Variants in KIF11 observed in about 807,000 individuals in gnomAD.
The protein encoded by KIF11 is kinesin family member 11, also known as kinesin-like protein KIF11.
In KIF11, 9 loss-of-function variants were observed where a neutral mutation model predicts 121.0. The observed-to-expected ratio is 0.07, with a 90% CI of 0.04 to 0.13. The LOEUF (loss-of-function observed/expected upper bound fraction) is 0.13. Ranked by LOEUF, KIF11 falls within the 10% of genes least tolerant of loss-of-function variation. The pLI is 1.00. For missense variants in KIF11, 846 were observed against 1,217.5 expected (o/e 0.69, Z 4.54); for synonymous variants, 408 against 421.0 (o/e 0.97, Z 0.38).
At chr10:92,640,242 A>G (rs1200716276) in intron 17 of KIF11, among the ~76,000 whole-genome samples, 1 of 152,246 alleles carries the variant, frequency 6.6e-6, no homozygotes, top group Non-Finnish European at 1.5e-5. Flanking sequence ...AACTGTGGCT[A>G]GCAGGCTGGA....
intron 21 of KIF11, among the ~76,000 whole-genome samples, chr10:92,651,511 T>TG (rs1844981377): frequency 7.6e-5 from 3 of 39,322 alleles, no homozygotes; most frequent in Non-Finnish European, 1.3e-4. Context: ...AATTTTGTTT[T>TG]TTTTTTTTTT....
chr10:92,639,629 T>G (rs2135920341), intron 16 of KIF11, among the ~76,000 whole-genome samples, 165 bp from the exon 17 acceptor site: 1 of 152,240 alleles, frequency 6.6e-6, no homozygotes, highest in South Asian at 2.1e-4. Context: ...TAATATCACT[T>G]CCACTGCTTT....
intron 10 of KIF11, among the ~76,000 whole-genome samples, chr10:92,624,180 A>G (rs1340153608): frequency 6.6e-6 from 1 of 150,890 alleles, no homozygotes; most frequent in Admixed American, 6.6e-5. Context: ...TGTTTAGGAC[A>G]ATGGCATCCA....
rs973111802 is a variant in KIF11 at position 92,645,359 on chromosome 10, A to G, written c.2268-4A>G. Reference sequence around the variant, plus strand: ...TTCAACAGTGTCATTCTCTTTTCCTATAGGAAATCTAAGGATATAGTCAAC... The same window carrying G: ...TTCAACAGTGTCATTCTCTTTTCCTGTAGGAAATCTAAGGATATAGTCAAC... On this transcript the variant is annotated splice_polypyrimidine_tract_variant and splice_region_variant and intron_variant, in intron 17 of 21. Coordinates refer to ENST00000260731, the MANE Select transcript of KIF11 (RefSeq NM_004523.4). 8.2e-6 allele frequency: 13 copies of G among 1,593,410 alleles called. No homozygotes were observed. Among genetic ancestry groups the G allele is most frequent in the Middle Eastern group, 1.7e-4 (1 of 5,762 alleles).
chr10:92,597,977 G>A (rs1037125780), intron 1 of KIF11, among the ~76,000 whole-genome samples: 8 of 151,742 alleles, frequency 5.3e-5, no homozygotes, highest in African/African-American at 1.9e-4. Context: ...TTTAAATATA[G>A]TATCTTGCTT....
intron 10 of KIF11, among the ~76,000 whole-genome samples, chr10:92,628,090 G>A (rs926108144): frequency 2.0e-5 from 3 of 152,118 alleles, no homozygotes; most frequent in African/African-American, 4.8e-5. Context: ...TCCCCCAGAG[G>A]ACATTTGGCA....
intron 19 of KIF11, among the ~76,000 whole-genome samples, chr10:92,649,360 G>A (rs1844956275): frequency 6.6e-6 from 1 of 152,148 alleles, no homozygotes; most frequent in Non-Finnish European, 1.5e-5. Flanking sequence ...CAGCACTTCG[G>A]GAGGCAAGGC....
At chr10:92,597,922 A>T (rs1844318599) in intron 1 of KIF11, among the ~76,000 whole-genome samples, 1 of 151,898 alleles carries the variant, frequency 6.6e-6, no homozygotes, top group Non-Finnish European at 1.5e-5. Context: ...AAGTACTGGG[A>T]TTACAGGCGT....
At chr10:92,599,842 G>A (rs1425110460) in intron 1 of KIF11, among the ~76,000 whole-genome samples, 10 of 149,818 alleles carry the variant, frequency 6.7e-5, no homozygotes, top group Admixed American at 4.0e-4. Flanking sequence ...TAGTAGAGAC[G>A]GGGTTTCACC....
chr10:92,632,643 A>T lies in KIF11; in HGVS notation c.1652A>T (p.Asp551Val). 1 of 1,613,348 alleles carries T rather than the reference A, an allele frequency of 6.2e-7. No individual in the cohort carries two copies. Among genetic ancestry groups the T allele is most frequent in the Non-Finnish European group, 8.5e-7 (1 of 1,179,696 alleles). Residue 551 changes from aspartate (D) to valine (V), a missense_variant, in exon 13 of 22, where the codon GAT (aspartate) becomes GTT (valine). Coordinates refer to ENST00000260731, the MANE Select transcript of KIF11 (RefSeq NM_004523.4). ...AATAATATGGAAGAATTAATTAAGG[A>T]TGGCAGCTCAAAGCAAAAGGCCATG... Reference protein sequence around the residue: ...LFNNMEELIKDGSSKQKAMLE... With the variant: ...LFNNMEELIKVGSSKQKAMLE...
intron 4 of KIF11, among the ~76,000 whole-genome samples, chr10:92,607,932 A>T (rs577302479): frequency 1.3e-5 from 2 of 152,156 alleles, no homozygotes; most frequent in South Asian, 4.2e-4. Context: ...AGGCGGGCAG[A>T]TCACCTGAGG....
At chr10:92,629,963 C>T (rs564906310) in intron 11 of KIF11, among the ~76,000 whole-genome samples, 1 of 152,256 alleles carries the variant, frequency 6.6e-6, no homozygotes, top group Admixed American at 6.5e-5. Context: ...TTGAAGGAAA[C>T]TGAAGAATTA....
chr10:92,605,449 T>C (rs562322934), intron 1 of KIF11, among the ~76,000 whole-genome samples: 1 of 152,224 alleles, frequency 6.6e-6, no homozygotes, highest in South Asian at 2.1e-4. Context: ...TTGACATGTT[T>C]TTTTCTACTA....
intron 4 of KIF11, among the ~76,000 whole-genome samples, chr10:92,608,680 A>G (rs546425910): frequency 2.5e-4 from 38 of 152,210 alleles, no homozygotes; most frequent in Non-Finnish European, 5.0e-4. Flanking sequence ...CTTGTGATCC[A>G]CCTGCCTTGA....
rs755684250 is a variant in KIF11, at chr10:92,609,083, G to A, written c.451G>A (p.Gly151Ser). ...AATTTTTGAGAAACTTACTGATAAT[G>A]GTACTGAATTTTCAGTCAAAGTGTC... ...HQIFEKLTDN[G>S]TEFSVKVSLL... Residue 151 changes from glycine (G) to serine (S), a missense_variant, in exon 5 of 22, where the codon GGT (glycine) becomes AGT (serine). Coordinates refer to ENST00000260731, the MANE Select transcript of KIF11 (RefSeq NM_004523.4). The A allele has an allele frequency of 6.2e-7, 1 of 1,602,706 alleles. No homozygotes were observed. The highest frequency in any genetic ancestry group is 1.7e-5 in the Admixed American group (1 of 59,108).
At chr10:92,601,361 C>T (rs929392551) in intron 1 of KIF11, among the ~76,000 whole-genome samples, 3 of 151,716 alleles carry the variant, frequency 2.0e-5, no homozygotes, top group Non-Finnish European at 4.4e-5. Context: ...CCACCATAAA[C>T]AGCTAATTTT....
rs368046931 is a variant in KIF11, at chr10:92,603,263, C to CTTTTTTTTTTT, written c.78-2993_78-2983dup. On this transcript the variant is annotated intron_variant, in intron 1 of 21. Transcript: ENST00000260731. ...CCCTTAAACTGCTTTCTTTTCTTTT[C>CTTTTTTTTTTT]TTTTTTTTTTTTTTTTTTTGAGACA... 1.3e-4 allele frequency among the ~76,000 whole-genome samples: 14 copies of CTTTTTTTTTTT among 109,168 alleles called. 1 individual carries two copies. The highest frequency in any genetic ancestry group is 3.1e-4 in the South Asian group (1 of 3,268). 71.6% of individuals were successfully genotyped at this position (109,168 alleles called of 152,430 possible).
chr10:92,610,409 T>C (rs186347389), intron 6 of KIF11, among the ~76,000 whole-genome samples: 57 of 152,314 alleles, frequency 3.7e-4, no homozygotes, highest in African/African-American at 1.3e-3. Context: ...CTCTTACCAC[T>C]CTATTCATTG....
intron 12 of KIF11, among the ~76,000 whole-genome samples, chr10:92,631,674 T>C (rs1844740750): frequency 8.5e-6 from 1 of 117,292 alleles, no homozygotes; most frequent in Non-Finnish European, 1.9e-5. Context: ...AATTTTTTAT[T>C]AGTTGTACTT....
Sources: gnomAD v4.1 joint callset for allele counts (sites outside exome capture counted in the v4.1 genomes callset) on GRCh38, gnomAD v4.1.1 for gene constraint, MANE v1.5 for transcripts, NCBI Gene and HGNC (gene_info 2026-07-23, HGNC 2026-07-21) for gene names.